The following ANTXR2 variants were observed in gnomAD, a reference collection of about 807,000 sequenced individuals.
ANTXR2 encodes anthrax toxin receptor 2.
A neutral mutation model predicts 73.7 loss-of-function variants in ANTXR2; 44 were observed. That is an observed-to-expected ratio of 0.60 (90% CI 0.47 to 0.77). The LOEUF is 0.77. Among genes scored for constraint, ANTXR2 ranks in the 30% least tolerant of loss-of-function variants. ANTXR2 has a pLI of 0.00. For synonymous variants in ANTXR2, 217 were observed against 205.9 expected (o/e 1.05, Z -0.46); for missense variants, 604 against 592.5 (o/e 1.02, Z -0.20).
At chr4:79,961,319 T>C (rs1425022112) in intron 16 of ANTXR2, among the ~76,000 whole-genome samples, 1 of 152,168 alleles carries the variant, frequency 6.6e-6, no homozygotes, top group East Asian at 1.9e-4. Flanking sequence ...TGTGTTGACA[T>C]TTCTGCTCCC....
intron 7 of ANTXR2, among the ~76,000 whole-genome samples, chr4:80,036,904 T>TA (rs1189256851): frequency 2.0e-5 from 3 of 152,162 alleles, no homozygotes; most frequent in Non-Finnish European, 2.9e-5. Context: ...CTTACTTGCA[T>TA]AAAAAATTAC....
At chr4:79,933,734 TG>T (rs1470575949) in intron 16 of ANTXR2, among the ~76,000 whole-genome samples, 901 of 65,836 alleles carry the variant, frequency 0.014, 12 homozygotes, top group Admixed American at 0.021. Context: ...CTGGTGTGTT[TG>T]TTTTTTTTTT....
intron 16 of ANTXR2, among the ~76,000 whole-genome samples, chr4:79,924,870 A>G (rs1312872530): frequency 6.6e-6 from 1 of 152,182 alleles, no homozygotes; most frequent in Non-Finnish European, 1.5e-5. Context: ...TTCATGTATC[A>G]GTACAATGCC....
chr4:80,042,942 AAG>A (rs1228411118), intron 7 of ANTXR2, among the ~76,000 whole-genome samples: 1 of 152,086 alleles, frequency 6.6e-6, no homozygotes, highest in Non-Finnish European at 1.5e-5. Flanking sequence ...GGCAGAAATA[AAG>A]GTATGAACTT....
intron 11 of ANTXR2, among the ~76,000 whole-genome samples, chr4:80,010,742 TA>T (rs1019517304): frequency 1.3e-5 from 2 of 152,056 alleles, no homozygotes; most frequent in Non-Finnish European, 2.9e-5. Flanking sequence ...ATTTTTCCCT[TA>T]AAAAAAGCCT....
Position 80,046,472 on chromosome 4 carries a change from A to G in ANTXR2, c.636+7800T>C, listed in dbSNP as rs561074151. 3.9e-5 allele frequency among the ~76,000 whole-genome samples: 6 copies of G among 151,912 alleles called. No individual in the cohort carries two copies. In the South Asian group the frequency reaches 1.2e-3, roughly 31 times the overall value. Reference sequence around the variant, plus strand: ...ATAAAAACTGCCTTGAACTTATGAGATAAAATAATAATAAATAGACTATTT... The same window carrying G: ...ATAAAAACTGCCTTGAACTTATGAGGTAAAATAATAATAAATAGACTATTT... On this transcript the variant is annotated intron_variant, in intron 7 of 16. Coordinates refer to ENST00000403729, the MANE Select transcript of ANTXR2 (RefSeq NM_058172.6).
rs987217257 is a variant in ANTXR2 at position 79,905,327 on chromosome 4, C to A, written c.*2102G>T. 3.9e-4 allele frequency: 59 copies of A among 152,174 alleles called. No individual in the cohort carries two copies. The highest frequency in any genetic ancestry group is 1.4e-3 in the African/African-American group (57 of 41,452). The allele number at this position is 152,174 out of a possible 1,614,324, so 9.4% of individuals were successfully genotyped here. ...CCCATTTAAGGAAGCCACATTAGGT[C>A]TTGTTCCAGATGCAAATGCAGAACA... On this transcript the variant is annotated 3_prime_UTR_variant, in exon 17 of 17. Coordinates refer to ENST00000403729, the MANE Select transcript of ANTXR2 (RefSeq NM_058172.6).
At chr4:79,963,269 A>C (rs1729214736) in intron 16 of ANTXR2, among the ~76,000 whole-genome samples, 1 of 152,112 alleles carries the variant, frequency 6.6e-6, no homozygotes, top group South Asian at 2.1e-4. Context: ...TAGAGATGTA[A>C]ACAAGAGGTA....
chr4:79,996,075 G>A (rs898837118), intron 12 of ANTXR2, among the ~76,000 whole-genome samples: 2 of 151,892 alleles, frequency 1.3e-5, no homozygotes, highest in Non-Finnish European at 2.9e-5. Context: ...TAAATATAAG[G>A]AGAGGAAAGC....
At chr4:79,999,767 A>G (rs1341182799) in intron 12 of ANTXR2, among the ~76,000 whole-genome samples, 1 of 152,078 alleles carries the variant, frequency 6.6e-6, no homozygotes, top group Non-Finnish European at 1.5e-5. Context: ...ATATCTGAAT[A>G]GTAGTCAGTA....
chr4:80,049,432 T>C (rs971147051), intron 7 of ANTXR2, among the ~76,000 whole-genome samples: 3 of 151,708 alleles, frequency 2.0e-5, no homozygotes, highest in African/African-American at 7.3e-5. Context: ...TTAAAGATAA[T>C]CTGAAGTGGA....
Position 80,021,294 on chromosome 4 carries a change from T to A in ANTXR2, c.867-2318A>T, listed in dbSNP as rs141396266. Among the ~76,000 whole-genome samples the A allele has an allele frequency of 2.5e-4, 38 of 152,218 alleles. 1 individual carries two copies. Among genetic ancestry groups the A allele is most frequent in the African/African-American group, 8.7e-4 (36 of 41,536 alleles). On this transcript the variant is annotated intron_variant, in intron 10 of 16. Transcript: ENST00000403729. ...CGTATTAAGAAAGAAAACTTAAACC[T>A]AATTGCTCATTCTGAAGAAATGGGT...
Position 80,054,316 on chromosome 4 carries a change from G to T in ANTXR2, c.592C>A (p.Pro198Thr). The change falls in exon 7 of 17, where the codon CCT becomes ACT. Residue 198 changes from proline (P) to threonine (T), a missense_variant. Pro to Thr is a conservative substitution (Grantham distance 38). Transcript: ENST00000403729. ...AGAGCCTGAAATCCACCTTTGACAG[G>T]GAAAACTTGCTCCTTGGAATCAGCA... is the stretch of plus-strand genomic sequence containing the variant. ...RIADSKEQVF[P>T]VKGGFQALKG... 1 of 1,593,418 alleles carries T rather than the reference G, an allele frequency of 6.3e-7. No homozygotes were observed. Among genetic ancestry groups the T allele is most frequent in the Non-Finnish European group, 8.5e-7 (1 of 1,170,530 alleles).
intron 7 of ANTXR2, among the ~76,000 whole-genome samples, chr4:80,048,221 T>A (rs1331316107): frequency 6.7e-6 from 1 of 148,436 alleles, no homozygotes; most frequent in African/African-American, 2.5e-5. Flanking sequence ...TTCAGAAATA[T>A]GAATTAAGCA....
At chr4:79,984,792 A>T in intron 13 of ANTXR2, 27 bp downstream of exon 13, 2 of 1,590,292 alleles carry the variant, frequency 1.3e-6, no homozygotes, top group Admixed American at 1.7e-5. Flanking sequence ...AAAAACAGCC[A>T]TATCAGTTTT....
chr4:79,915,860 C>CTATATATATATATATATATA (rs775665680), intron 16 of ANTXR2, among the ~76,000 whole-genome samples: 3 of 121,914 alleles, frequency 2.5e-5, no homozygotes, highest in African/African-American at 9.3e-5. Flanking sequence ...CTCTCTCTCT[C>CTATATATATATATATATATA]TCTATATATA....
At chr4:80,063,453 C>A (rs1734354337) in intron 3 of ANTXR2, among the ~76,000 whole-genome samples, 1 of 151,784 alleles carries the variant, frequency 6.6e-6, no homozygotes, top group African/African-American at 2.4e-5. Context: ...ATAAACAATA[C>A]ATTCTTGTTG....
chr4:79,911,721 G>A (rs1727147545), intron 16 of ANTXR2, among the ~76,000 whole-genome samples: 1 of 151,756 alleles, frequency 6.6e-6, no homozygotes, highest in South Asian at 2.1e-4. Flanking sequence ...AATATAACAT[G>A]TAATATATGT....
chr4:80,060,673 T>C (rs1734204947), intron 3 of ANTXR2, among the ~76,000 whole-genome samples: 1 of 152,202 alleles, frequency 6.6e-6, no homozygotes, highest in Non-Finnish European at 1.5e-5. Context: ...TTATTAGTTA[T>C]GGTTGTTAAT....
Sources: gnomAD v4.1 joint callset for allele counts (sites outside exome capture counted in the v4.1 genomes callset) on GRCh38, gnomAD v4.1.1 for gene constraint, MANE v1.5 for transcripts, NCBI Gene and HGNC (gene_info 2026-07-23, HGNC 2026-07-21) for gene names.